The following DNAJC5 variants were observed in gnomAD, a reference collection of about 807,000 sequenced individuals.
The protein encoded by DNAJC5 is DnaJ heat shock protein family (Hsp40) member C5.
DNAJC5 carries 1 observed loss-of-function variant against 23.2 expected under a neutral mutation model. The observed-to-expected ratio is 0.04, with a 90% CI of 0.02 to 0.20. DNAJC5 has a LOEUF of 0.20. DNAJC5 is among the 10% of genes least tolerant of loss of function. The pLI is 1.00. For synonymous variants in DNAJC5, 136 were observed against 120.0 expected, an observed-to-expected ratio of 1.13 and a Z score of -0.87; for missense variants, 180 against 267.0, an observed-to-expected ratio of 0.67 and a Z score of 2.27.
chr20:63,913,065 T>C (rs1461911489), intron 1 of DNAJC5, among the ~76,000 whole-genome samples: 1 of 152,160 alleles, frequency 6.6e-6, no homozygotes, highest in East Asian at 1.9e-4. Context: ...AAGAGGTAGT[T>C]CCCTGCCCCG....
At chr20:63,918,131 C>T (rs1254207683) in intron 1 of DNAJC5, among the ~76,000 whole-genome samples, 1 of 152,196 alleles carries the variant, frequency 6.6e-6, no homozygotes, top group Non-Finnish European at 1.5e-5. Context: ...CAGTTGTGGT[C>T]TATTCACAGA....
Position 63,920,618 on chromosome 20 carries a change from T to A in DNAJC5, c.-11-7717T>A, listed in dbSNP as rs1005646992. 1.3e-5 allele frequency among the ~76,000 whole-genome samples: 2 copies of A among 152,278 alleles called. No homozygotes were observed. The highest frequency in any genetic ancestry group is 6.5e-5 in the Admixed American group (1 of 15,290). On this transcript the variant is annotated intron_variant, in intron 1 of 4. Coordinates refer to ENST00000360864, the MANE Select transcript of DNAJC5 (RefSeq NM_025219.3). The surrounding 1 kb of genome is among the most constrained non-coding windows in gnomAD (Gnocchi z 4.6). The stretch of plus-strand genomic sequence containing the variant: ...TGGGGCTGCTGCCAGCAGAACGGAC[T>A]GGGATACGCTGGATTTGTAAAACGT...
At chr20:63,910,261 C>T (rs967405042) in intron 1 of DNAJC5, among the ~76,000 whole-genome samples, 8 of 152,102 alleles carry the variant, frequency 5.3e-5, no homozygotes, top group African/African-American at 1.4e-4. Flanking sequence ...GTGATGTGCG[C>T]TGGCCGGGCG....
At chr20:63,912,297 G>A (rs1289874796) in intron 1 of DNAJC5, among the ~76,000 whole-genome samples, 1 of 148,672 alleles carries the variant, frequency 6.7e-6, no homozygotes, top group Non-Finnish European at 1.5e-5. Context: ...AGTGAGAATC[G>A]GTCTCCAAAA....
intron 1 of DNAJC5, among the ~76,000 whole-genome samples, chr20:63,925,419 A>G (rs1182517940): frequency 1.3e-5 from 2 of 152,124 alleles, no homozygotes; most frequent in South Asian, 4.1e-4. Context: ...GGAGGCAGAG[A>G]TTGCAGTGAA....
intron 1 of DNAJC5, among the ~76,000 whole-genome samples, chr20:63,898,464 A>G (rs1334552035): frequency 1.3e-5 from 2 of 152,274 alleles, no homozygotes; most frequent in East Asian, 1.9e-4. Flanking sequence ...CCATTTGTAG[A>G]GAAATGGAAC....
At chr20:63,926,050 A>C (rs111691277) in intron 1 of DNAJC5, among the ~76,000 whole-genome samples, 18 of 151,894 alleles carry the variant, frequency 1.2e-4, no homozygotes, top group Non-Finnish European at 2.5e-4. Context: ...GGATGGTCTC[A>C]ATCTCCTGAT....
intron 1 of DNAJC5, among the ~76,000 whole-genome samples, chr20:63,909,434 C>T (rs1225075073): frequency 2.6e-5 from 4 of 152,154 alleles, no homozygotes; most frequent in Non-Finnish European, 5.9e-5. Flanking sequence ...ACCAGGGAGG[C>T]GGAGCTTGCA....
At position 63,934,214 on chromosome 20, in the gene DNAJC5, C is replaced by G. The variant is rs1337563899; in HGVS notation, c.*2646C>G. 1 of 151,890 alleles carries G rather than the reference C, an allele frequency of 6.6e-6. No individual in the cohort carries two copies. Among genetic ancestry groups the G allele is most frequent in the African/African-American group, 2.4e-5 (1 of 41,112 alleles). 9.4% of individuals were successfully genotyped at this position (151,890 alleles called of 1,614,324 possible). A position where few individuals can be genotyped will look rare whatever the true frequency, so the allele number is the denominator to read the frequency against. On this transcript the variant is annotated 3_prime_UTR_variant, in exon 5 of 5. Transcript: ENST00000360864. Reference sequence around the variant, plus strand: ...AAAGATCCTCCCGGGTTTTATTTCTCTCTTTCTTGAGTGGACTGTTTCCCT... The same window carrying G: ...AAAGATCCTCCCGGGTTTTATTTCTGTCTTTCTTGAGTGGACTGTTTCCCT...
At chr20:63,907,184 G>A (rs2053453556) in intron 1 of DNAJC5, among the ~76,000 whole-genome samples, 1 of 152,168 alleles carries the variant, frequency 6.6e-6, no homozygotes, top group Non-Finnish European at 1.5e-5. Flanking sequence ...TTGTGATCAG[G>A]ACAGAGAAGA....
chr20:63,903,430 C>G (rs2053427394), intron 1 of DNAJC5, among the ~76,000 whole-genome samples: 1 of 152,144 alleles, frequency 6.6e-6, no homozygotes, highest in Admixed American at 6.5e-5. Flanking sequence ...GCCTCAGCCT[C>G]TGTAGCAGCT....
At chr20:63,924,085 A>G (rs1350031952) in intron 1 of DNAJC5, among the ~76,000 whole-genome samples, 1 of 152,170 alleles carries the variant, frequency 6.6e-6, no homozygotes, top group Non-Finnish European at 1.5e-5. Context: ...TACTGTAGAT[A>G]TATAGTATAT....
chr20:63,902,936 C>T (rs1162502711), intron 1 of DNAJC5, among the ~76,000 whole-genome samples: 1 of 151,930 alleles, frequency 6.6e-6, no homozygotes, highest in Non-Finnish European at 1.5e-5. Context: ...CTCGGCCTCC[C>T]AAAGTGCTGG....
At position 63,916,483 on chromosome 20, in the gene DNAJC5, C is replaced by CA. The variant is rs1305934297; in HGVS notation, c.-11-11851dup. 9.8e-5 allele frequency among the ~76,000 whole-genome samples: 15 copies of CA among 152,296 alleles called. No homozygotes were observed. The East Asian group carries it at 2.7e-3, about 27-fold the overall frequency. ...AAGAACAGGGAGTAGGTCACAAGAT[C>CA]ACATGCTTCAAAGGGCAAAAAGGAG... On this transcript the variant is annotated intron_variant, in intron 1 of 4. Coordinates refer to ENST00000360864, the MANE Select transcript of DNAJC5 (RefSeq NM_025219.3).
Position 63,933,342 on chromosome 20 carries a change from C to T in DNAJC5, c.*1774C>T, listed in dbSNP as rs1444572169. 3.3e-5 allele frequency: 5 copies of T among 152,326 alleles called. No individual in the cohort carries two copies. The highest frequency in any genetic ancestry group is 3.3e-4 in the Admixed American group (5 of 15,278). 9.4% of individuals were successfully genotyped at this position (152,326 alleles called of 1,614,324 possible). ...GGATACATCTGGACGTGCTTAGGAA[C>T]AGGGTGCTGGTTGAGGGCCCCCAGC... is the stretch of plus-strand genomic sequence containing the variant. On this transcript the variant is annotated 3_prime_UTR_variant, in exon 5 of 5. Coordinates refer to ENST00000360864, the MANE Select transcript of DNAJC5 (RefSeq NM_025219.3).
chr20:63,922,604 C>T (rs890566500), intron 1 of DNAJC5, among the ~76,000 whole-genome samples: 32 of 151,590 alleles, frequency 2.1e-4, no homozygotes, highest in African/African-American at 7.3e-4. Context: ...CCCGTCTCTG[C>T]AAAAAATTTC....
At chr20:63,927,543 C>CG (rs1568988200) in intron 1 of DNAJC5, among the ~76,000 whole-genome samples, 7 of 146,588 alleles carry the variant, frequency 4.8e-5, no homozygotes, top group African/African-American at 1.5e-4. Flanking sequence ...TGTCCCCCCC[C>CG]CCAAAAAAGA....
At chr20:63,898,139 G>A (rs1371307566) in intron 1 of DNAJC5, among the ~76,000 whole-genome samples, 2 of 152,182 alleles carry the variant, frequency 1.3e-5, no homozygotes, top group East Asian at 3.8e-4. Flanking sequence ...TAAGTATTTG[G>A]CATCACCAGG....
chr20:63,909,938 A>G (rs1476612477), intron 1 of DNAJC5, among the ~76,000 whole-genome samples: 1 of 152,204 alleles, frequency 6.6e-6, no homozygotes, highest in East Asian at 1.9e-4. Context: ...GATCTTATGA[A>G]GAACACTTGT....
Sources: allele counts gnomAD v4.1 joint callset (sites outside exome capture counted in the v4.1 genomes callset), GRCh38; gene constraint gnomAD v4.1.1; non-coding constraint Gnocchi (gnomAD v3.1); transcripts MANE v1.5; gene names NCBI Gene and HGNC (gene_info 2026-07-23, HGNC 2026-07-21).